The following ADK variants were observed in gnomAD, a reference collection of about 807,000 sequenced individuals.
The protein encoded by ADK is N6,N6-dimethyladenosine kinase.
Under a neutral mutation model 44.7 loss-of-function variants are expected in ADK, and 24 were observed. The ratio of observed to expected loss-of-function variants is 0.54; its 90% CI spans 0.39 to 0.76. The LOEUF is 0.76. Among genes scored for constraint, ADK ranks in the 30% least tolerant of loss-of-function variants. The probability of loss-of-function intolerance (pLI) is 0.00; values close to 1 mark genes in which losing one functional copy is unlikely to be tolerated. For missense variants in ADK, 321 were observed against 425.1 expected, an observed-to-expected ratio of 0.76 and a Z score of 2.15; for synonymous variants, 128 against 142.6, an observed-to-expected ratio of 0.90 and a Z score of 0.73.
intron 7 of ADK, chr10:74,528,062 A>C: frequency 1.0e-6 from 1 of 1,000,328 alleles, no homozygotes; most frequent in Non-Finnish European, 1.6e-6. Flanking sequence ...TTAAGATAAA[A>C]TGACGACGTC....
At chr10:74,543,575 G>A (rs1382609582) in intron 7 of ADK, among the ~76,000 whole-genome samples, 5 of 152,160 alleles carry the variant, frequency 3.3e-5, no homozygotes, top group African/African-American at 9.7e-5. Flanking sequence ...TGCATATAAC[G>A]TTTTGTTAGA....
chr10:74,185,696 C>T (rs1449171757), intron 1 of ADK, among the ~76,000 whole-genome samples: 1 of 150,668 alleles, frequency 6.6e-6, no homozygotes, highest in African/African-American at 2.4e-5. Flanking sequence ...ATTAGCCAGG[C>T]GTGGTAGCGG....
At chr10:74,428,017 T>C (rs1844862448) in intron 6 of ADK, among the ~76,000 whole-genome samples, 1 of 152,170 alleles carries the variant, frequency 6.6e-6, no homozygotes, top group Non-Finnish European at 1.5e-5. Flanking sequence ...CTTCTGGTGG[T>C]TGTGCATAAT....
intron 1 of ADK, among the ~76,000 whole-genome samples, chr10:74,178,670 A>T (rs1421251983): frequency 6.6e-6 from 1 of 152,230 alleles, no homozygotes; most frequent in East Asian, 1.9e-4. Flanking sequence ...TAAAAGACTG[A>T]TGTAAAGGTT....
intron 10 of ADK, among the ~76,000 whole-genome samples, chr10:74,693,726 C>T (rs970202946): frequency 6.6e-5 from 10 of 152,098 alleles, no homozygotes; most frequent in Non-Finnish European, 1.5e-4. Context: ...TTCTAAATTG[C>T]CTTCTCTAAA....
intron 6 of ADK, among the ~76,000 whole-genome samples, chr10:74,403,979 C>T (rs917488986): frequency 1.3e-5 from 2 of 152,154 alleles, no homozygotes; most frequent in African/African-American, 4.8e-5. Flanking sequence ...TCACACCATT[C>T]TCCTTGCCTT....
intron 7 of ADK, among the ~76,000 whole-genome samples, chr10:74,540,702 C>T (rs1849597199): frequency 6.6e-6 from 1 of 152,092 alleles, no homozygotes; most frequent in African/African-American, 2.4e-5. Flanking sequence ...TCAAGTGATC[C>T]ACCTGCCTCG....
intron 4 of ADK, among the ~76,000 whole-genome samples, chr10:74,371,029 T>G (rs541560134): frequency 1.2e-3 from 189 of 152,364 alleles, no homozygotes; most frequent in Admixed American, 3.1e-3. Flanking sequence ...TCATGATGTT[T>G]CCTTTTCAAA....
intron 1 of ADK, among the ~76,000 whole-genome samples, chr10:74,180,103 A>G (rs896389756): frequency 6.6e-6 from 1 of 152,074 alleles, no homozygotes; most frequent in Non-Finnish European, 1.5e-5. Flanking sequence ...AGCAATGGCT[A>G]TGAAAGAATA....
chr10:74,295,143 AC>A (rs1425158174), intron 3 of ADK, among the ~76,000 whole-genome samples: 2 of 151,234 alleles, frequency 1.3e-5, no homozygotes, highest in Admixed American at 6.6e-5. Context: ...TCTGCAAGCC[AC>A]CACGTCCGGC....
intron 2 of ADK, among the ~76,000 whole-genome samples, chr10:74,223,656 A>C (rs1844413235): frequency 6.6e-6 from 1 of 152,168 alleles, no homozygotes; most frequent in Non-Finnish European, 1.5e-5. Context: ...TACCTTCAGC[A>C]GTACAAATAT....
intron 8 of ADK, among the ~76,000 whole-genome samples, chr10:74,589,618 G>T (rs1851648484): frequency 6.6e-6 from 1 of 152,186 alleles, no homozygotes; most frequent in Non-Finnish European, 1.5e-5. Flanking sequence ...GGGCCTGTCA[G>T]TTTGTTCAGT....
intron 6 of ADK, among the ~76,000 whole-genome samples, chr10:74,405,416 T>A (rs1195359079): frequency 6.6e-6 from 1 of 151,856 alleles, no homozygotes; most frequent in Non-Finnish European, 1.5e-5. Flanking sequence ...TCAGTTTAGA[T>A]TAATGTATAG....
At chr10:74,600,540 C>G (rs1482181830) in intron 9 of ADK, 47 bp downstream of exon 9, 2 of 1,279,752 alleles carry the variant, frequency 1.6e-6, no homozygotes, top group Non-Finnish European at 2.2e-6. Flanking sequence ...GGAGATTAAT[C>G]AATTACAAAA....
intron 6 of ADK, among the ~76,000 whole-genome samples, chr10:74,519,081 CTAATA>C (rs1848707468): frequency 6.6e-6 from 1 of 151,718 alleles, no homozygotes; most frequent in African/African-American, 2.4e-5. Context: ...TTTATTTAAT[CTAATA>C]TATCTAAAAT....
chr10:74,460,472 A>C (rs1381522731), intron 6 of ADK, among the ~76,000 whole-genome samples: 1 of 152,190 alleles, frequency 6.6e-6, no homozygotes, highest in Non-Finnish European at 1.5e-5. Context: ...ACCTTGTATG[A>C]ATATAAAAAG....
chr10:74,171,350 T>G (rs1332315848), intron 1 of ADK, among the ~76,000 whole-genome samples: 1 of 152,258 alleles, frequency 6.6e-6, no homozygotes, highest in African/African-American at 2.4e-5. Flanking sequence ...ATTAATTTTA[T>G]ATGAGAGTGC....
chr10:74,420,011 T>G (rs1844503107), intron 6 of ADK, among the ~76,000 whole-genome samples: 1 of 152,156 alleles, frequency 6.6e-6, no homozygotes, highest in Non-Finnish European at 1.5e-5. Context: ...CTGAATATTT[T>G]TAAAAAGTTA....
chr10:74,550,056 A>T (rs983103216), intron 7 of ADK, among the ~76,000 whole-genome samples: 31 of 149,058 alleles, frequency 2.1e-4, no homozygotes, highest in African/African-American at 7.6e-4. Flanking sequence ...TGTTAGCATA[A>T]ATCAGAACCC....
Sources: gnomAD v4.1 joint callset for allele counts (sites outside exome capture counted in the v4.1 genomes callset) on GRCh38, gnomAD v4.1.1 for gene constraint, MANE v1.5 for transcripts, NCBI Gene and HGNC (gene_info 2026-07-23, HGNC 2026-07-21) for gene names.